The following DLG2 variants were observed in gnomAD, a reference collection of about 807,000 sequenced individuals.
The protein encoded by DLG2 is discs large MAGUK scaffold protein 2.
In DLG2, 45 loss-of-function variants were observed where a neutral mutation model predicts 132.5. The observed-to-expected ratio is 0.34, with a 90% CI of 0.27 to 0.44. The LOEUF (loss-of-function observed/expected upper bound fraction) is 0.44. Ranked by LOEUF, DLG2 falls within the 20% of genes least tolerant of loss-of-function variation. DLG2 has a pLI of 1.00. For synonymous variants in DLG2, 424 were observed against 419.6 expected, an observed-to-expected ratio of 1.01 and a Z score of -0.13; for missense variants, 1,045 against 1,196.9, an observed-to-expected ratio of 0.87 and a Z score of 1.87.
chr11:84,034,450 A>G lies in DLG2; in HGVS notation c.919+24865T>C, dbSNP rs191984073. On this transcript the variant is annotated intron_variant, in intron 11 of 27. Transcript: ENST00000376104. ...TGCAGTGGTCTAGAATGAGACTGCA[A>G]TATCTCTGAGGTATGCATATATAAA... Among the ~76,000 whole-genome samples, 891 of 152,324 alleles carry G rather than the reference A, an allele frequency of 5.8e-3. 4 individuals are homozygous for G. The highest frequency in any genetic ancestry group is 9.5e-3 in the Non-Finnish European group (649 of 68,032).
At chr11:84,880,349 C>T (rs1169547180) in intron 6 of DLG2, among the ~76,000 whole-genome samples, 1 of 152,070 alleles carries the variant, frequency 6.6e-6, no homozygotes, top group Non-Finnish European at 1.5e-5. Context: ...GAAACACAGA[C>T]ATTAAAGTGC....
chr11:84,547,808 T>C (rs996821661), intron 6 of DLG2, among the ~76,000 whole-genome samples: 3 of 152,094 alleles, frequency 2.0e-5, no homozygotes, highest in Non-Finnish European at 2.9e-5. Flanking sequence ...ATATTCTGCT[T>C]GGGACCCAGT....
At chr11:85,065,268 A>G (rs1161654533) in intron 6 of DLG2, among the ~76,000 whole-genome samples, 2 of 151,514 alleles carry the variant, frequency 1.3e-5, no homozygotes, top group East Asian at 3.9e-4. Context: ...TTAATCCCCC[A>G]TAAATGCATC....
At chr11:84,725,673 C>A (rs907076669) in intron 6 of DLG2, among the ~76,000 whole-genome samples, 10 of 152,034 alleles carry the variant, frequency 6.6e-5, no homozygotes, top group Admixed American at 1.3e-4. Flanking sequence ...AATGATTGAC[C>A]AATCTAGTTA....
rs544459694 is a variant in DLG2, at chr11:84,148,496, CG to C, written c.624+14964del. Among the ~76,000 whole-genome samples the C allele has an allele frequency of 8.5e-5, 13 of 152,176 alleles. No homozygotes were observed. In the South Asian group the frequency reaches 2.5e-3, roughly 29 times the overall value. On this transcript the variant is annotated intron_variant, in intron 9 of 27. Transcript: ENST00000376104. ...CACAGTATTTGGCTTTCTGTTTCTG[CG>C]TTAGTTTGCTCAGGATGATGGCCTC...
chr11:84,363,291 G>T (rs1488035182), intron 7 of DLG2, among the ~76,000 whole-genome samples: 1 of 151,606 alleles, frequency 6.6e-6, no homozygotes, highest in East Asian at 1.9e-4. Context: ...TGTGTTTTTT[G>T]GCTGCATAAA....
At chr11:83,942,015 G>A (rs1008525050) in intron 14 of DLG2, among the ~76,000 whole-genome samples, 2 of 152,152 alleles carry the variant, frequency 1.3e-5, no homozygotes, top group African/African-American at 2.4e-5. Context: ...GTTCAGAAAT[G>A]TTACTTCCAG....
intron 6 of DLG2, among the ~76,000 whole-genome samples, chr11:84,602,253 G>T (rs1259752533): frequency 6.6e-6 from 1 of 151,738 alleles, no homozygotes; most frequent in Non-Finnish European, 1.5e-5. Flanking sequence ...TACTTTGCAT[G>T]CAGTGTCTCA....
At chr11:85,054,405 C>T (rs769833081) in intron 6 of DLG2, among the ~76,000 whole-genome samples, 1 of 152,130 alleles carries the variant, frequency 6.6e-6, no homozygotes, top group Non-Finnish European at 1.5e-5. Flanking sequence ...AAAGGAAATG[C>T]TTATACACTG....
chr11:84,151,941 T>C (rs1267662924), intron 9 of DLG2, among the ~76,000 whole-genome samples: 1 of 152,224 alleles, frequency 6.6e-6, no homozygotes, highest in East Asian at 1.9e-4. Context: ...TTTGCATTTA[T>C]TGAGTCTTGC....
chr11:85,069,922 G>A (rs1446517097), intron 6 of DLG2, among the ~76,000 whole-genome samples: 4 of 152,038 alleles, frequency 2.6e-5, no homozygotes, highest in Admixed American at 2.6e-4. Context: ...ATCAATGATA[G>A]ACTGGATTAA....
At chr11:84,814,303 C>T (rs1250821702) in intron 6 of DLG2, among the ~76,000 whole-genome samples, 3 of 152,012 alleles carry the variant, frequency 2.0e-5, no homozygotes, top group South Asian at 2.1e-4. Context: ...AAGTCGCTAT[C>T]GGGACCTCAA....
At chr11:85,171,433 C>A (rs768903003) in intron 4 of DLG2, among the ~76,000 whole-genome samples, 29 of 152,278 alleles carry the variant, frequency 1.9e-4, no homozygotes, top group South Asian at 1.4e-3. Flanking sequence ...TGAGCCAATG[C>A]GACCAGGGCC....
At chr11:84,431,146 A>T (rs1467976804) in intron 7 of DLG2, among the ~76,000 whole-genome samples, 1 of 152,222 alleles carries the variant, frequency 6.6e-6, no homozygotes, top group Non-Finnish European at 1.5e-5. Flanking sequence ...TAAACTTAGT[A>T]TCTAACTCAT....
intron 6 of DLG2, among the ~76,000 whole-genome samples, chr11:84,922,782 G>T (rs1223848848): frequency 6.6e-6 from 1 of 151,970 alleles, no homozygotes; most frequent in Non-Finnish European, 1.5e-5. Flanking sequence ...TGATTTCTTG[G>T]TTCTGGCCTA....
chr11:85,301,796 C>T (rs1472864588), intron 3 of DLG2, among the ~76,000 whole-genome samples: 1 of 152,176 alleles, frequency 6.6e-6, no homozygotes, highest in Non-Finnish European at 1.5e-5. Flanking sequence ...ACATCAGAAC[C>T]TTATCCCTAA....
chr11:84,683,953 C>T (rs1327262100), intron 6 of DLG2, among the ~76,000 whole-genome samples: 3 of 152,128 alleles, frequency 2.0e-5, no homozygotes, highest in African/African-American at 7.2e-5. Context: ...AAATCAGGAA[C>T]AAAGCATCTT....
Position 85,046,977 on chromosome 11 carries a change from G to T in DLG2, c.357+64684C>A, listed in dbSNP as rs1043230477. ...TTTGTTTGTTGACAATTTCTAAAAAGCTTTATTTTAATATTTCCTTGGCTA... is the reference window on the plus strand; with the variant it reads ...TTTGTTTGTTGACAATTTCTAAAAATCTTTATTTTAATATTTCCTTGGCTA... On this transcript the variant is annotated intron_variant, in intron 6 of 27. Transcript: ENST00000376104. Among the ~76,000 whole-genome samples the T allele has an allele frequency of 6.6e-5, 10 of 151,808 alleles. No individual in the cohort carries two copies. In the South Asian group the frequency reaches 1.5e-3, roughly 22 times the overall value.
intron 3 of DLG2, among the ~76,000 whole-genome samples, chr11:85,566,864 G>A (rs1160456223): frequency 6.6e-6 from 1 of 152,078 alleles, no homozygotes. Flanking sequence ...GTGGAGTAGG[G>A]ACCCAAATTC....
Sources: gnomAD v4.1 joint callset for allele counts (sites outside exome capture counted in the v4.1 genomes callset) on GRCh38, gnomAD v4.1.1 for gene constraint, MANE v1.5 for transcripts, NCBI Gene and HGNC (gene_info 2026-07-23, HGNC 2026-07-21) for gene names.